B3GALT1: variants seen among roughly 807,000 people sequenced by gnomAD.
The protein encoded by B3GALT1 is UDP-Gal:betaGlcNAc beta 1,3-galactosyltransferase, polypeptide 1.
B3GALT1 carries 10 observed loss-of-function variants against 23.2 expected under a neutral mutation model. The ratio of observed to expected loss-of-function variants is 0.43; its 90% CI spans 0.27 to 0.73. The LOEUF (loss-of-function observed/expected upper bound fraction) is 0.73, where lower values mean the gene tolerates loss of function less well. Among genes scored for constraint, B3GALT1 ranks in the 30% least tolerant of loss-of-function variants. The pLI, the probability that B3GALT1 is intolerant of heterozygous loss-of-function variation, is 0.21. For missense variants in B3GALT1, 299 were observed against 405.4 expected (o/e 0.74, Z 2.25); for synonymous variants, 156 against 141.5 (o/e 1.10, Z -0.73).
At chr2:167,503,877 C>A (rs1699881243) in intron 2 of B3GALT1, among the ~76,000 whole-genome samples, 1 of 152,176 alleles carries the variant, frequency 6.6e-6, no homozygotes, top group African/African-American at 2.4e-5. Flanking sequence ...TTGCTGTATG[C>A]ATGGATTCCA....
intron 2 of B3GALT1, among the ~76,000 whole-genome samples, chr2:167,491,031 C>CT (rs1699700630): frequency 6.6e-6 from 1 of 152,116 alleles, no homozygotes; most frequent in Non-Finnish European, 1.5e-5. Context: ...CCCTTGTTTT[C>CT]TTAGGGTTCT....
At chr2:167,676,592 C>T (rs930608106) in intron 3 of B3GALT1, among the ~76,000 whole-genome samples, 1 of 151,958 alleles carries the variant, frequency 6.6e-6, no homozygotes, top group Non-Finnish European at 1.5e-5. Flanking sequence ...GACAGAGCCT[C>T]GCTTTCTTGC....
intron 1 of B3GALT1, among the ~76,000 whole-genome samples, chr2:167,377,901 G>A (rs558001545): frequency 6.6e-6 from 1 of 152,158 alleles, no homozygotes; most frequent in East Asian, 1.9e-4. Flanking sequence ...GTACTGTGTG[G>A]TTGCTTTATA....
chr2:167,395,656 G>C (rs548166233), intron 1 of B3GALT1, among the ~76,000 whole-genome samples: 9 of 152,216 alleles, frequency 5.9e-5, no homozygotes, highest in African/African-American at 1.9e-4. Flanking sequence ...GCTGCTAAGT[G>C]TGGGTAACGT....
intron 2 of B3GALT1, among the ~76,000 whole-genome samples, chr2:167,618,522 A>G (rs1466347545): frequency 6.6e-6 from 1 of 152,034 alleles, no homozygotes; most frequent in Non-Finnish European, 1.5e-5. Flanking sequence ...AACCATGATC[A>G]AAATAAAAAA....
intron 1 of B3GALT1, among the ~76,000 whole-genome samples, chr2:167,467,952 C>G (rs1699372070): frequency 6.6e-6 from 1 of 152,020 alleles, no homozygotes; most frequent in Non-Finnish European, 1.5e-5. Flanking sequence ...AGATAATAAG[C>G]AACCAAAAAT....
intron 3 of B3GALT1, among the ~76,000 whole-genome samples, chr2:167,801,745 A>G (rs1373884667): frequency 6.6e-6 from 1 of 152,274 alleles, no homozygotes; most frequent in East Asian, 1.9e-4. Flanking sequence ...CCATAATACA[A>G]CATGACAACA....
intron 1 of B3GALT1, among the ~76,000 whole-genome samples, chr2:167,459,965 G>A (rs1204463383): frequency 6.6e-6 from 1 of 152,090 alleles, no homozygotes; most frequent in African/African-American, 2.4e-5. Flanking sequence ...AAATTCTGGT[G>A]AGAAATCTAC....
intron 1 of B3GALT1, among the ~76,000 whole-genome samples, chr2:167,476,754 ATTCAT>A (rs1343308961): frequency 6.6e-6 from 1 of 152,212 alleles, no homozygotes; most frequent in Non-Finnish European, 1.5e-5. Flanking sequence ...AAGTTGAACA[ATTCAT>A]TTCATCATCT....
At chr2:167,636,680 T>C (rs1265145688) in intron 2 of B3GALT1, among the ~76,000 whole-genome samples, 1 of 152,126 alleles carries the variant, frequency 6.6e-6, no homozygotes, top group African/African-American at 2.4e-5. Flanking sequence ...TTCATGTCTT[T>C]TGCAGGGACA....
chr2:167,808,400 A>G (rs1414897568), intron 3 of B3GALT1, among the ~76,000 whole-genome samples: 3 of 151,456 alleles, frequency 2.0e-5, no homozygotes, highest in African/African-American at 4.9e-5. Flanking sequence ...CCTAGCCTCA[A>G]TGGTCTTTAC....
chr2:167,451,027 C>T (rs1418938857), intron 1 of B3GALT1, among the ~76,000 whole-genome samples: 1 of 151,974 alleles, frequency 6.6e-6, no homozygotes, highest in Admixed American at 6.6e-5. Context: ...CTAAGTGCAT[C>T]CTTTTTTTCC....
At chr2:167,461,161 G>A (rs1169981650) in intron 1 of B3GALT1, among the ~76,000 whole-genome samples, 1 of 152,162 alleles carries the variant, frequency 6.6e-6, no homozygotes, top group African/African-American at 2.4e-5. Flanking sequence ...CTGATATTTG[G>A]ATGACAGAGT....
intron 4 of B3GALT1, among the ~76,000 whole-genome samples, chr2:167,837,170 C>A (rs1406937933): frequency 6.6e-6 from 1 of 152,150 alleles, no homozygotes; most frequent in Admixed American, 6.5e-5. Context: ...CAAATTCACA[C>A]ATAACAATAT....
chr2:167,713,758 G>A, intron 3 of B3GALT1: 1 of 1,587,386 alleles, frequency 6.3e-7, no homozygotes, highest in South Asian at 1.1e-5. Flanking sequence ...TGGGGTTGGG[G>A]TAAAATCCAG....
intron 2 of B3GALT1, among the ~76,000 whole-genome samples, chr2:167,646,200 A>G (rs1000556826): frequency 6.6e-6 from 1 of 152,178 alleles, no homozygotes; most frequent in African/African-American, 2.4e-5. Context: ...TACAAGCTCA[A>G]AAAGCATTAC....
intron 4 of B3GALT1, among the ~76,000 whole-genome samples, chr2:167,860,387 CTCTT>C (rs1690074955): frequency 6.6e-6 from 1 of 152,108 alleles, no homozygotes; most frequent in Non-Finnish European, 1.5e-5. Context: ...CTCGTGTGCT[CTCTT>C]TCTTTCCCTG....
At position 167,519,561 on chromosome 2, in the gene B3GALT1, A is replaced by G. The variant is rs139559303; in HGVS notation, c.-410+29284A>G. Among the ~76,000 whole-genome samples, 450 of 152,176 alleles carry G rather than the reference A, an allele frequency of 3.0e-3. 4 individuals carry two copies. The highest frequency in any genetic ancestry group is 1.0e-2 in the African/African-American group (414 of 41,526). On this transcript the variant is annotated intron_variant, in intron 2 of 4. Coordinates refer to ENST00000392690, the MANE Select transcript of B3GALT1 (RefSeq NM_020981.4). Reference sequence around the variant, plus strand: ...ATTAAAAGTAAGGTTAAAAAACTCAACCTGTTTTTAGGTTTATTGTATATA... The same window carrying G: ...ATTAAAAGTAAGGTTAAAAAACTCAGCCTGTTTTTAGGTTTATTGTATATA...
chr2:167,676,687 A>C (rs1686433218), intron 3 of B3GALT1, among the ~76,000 whole-genome samples: 1 of 151,836 alleles, frequency 6.6e-6, no homozygotes, highest in African/African-American at 2.4e-5. Context: ...CCAGCCTCCC[A>C]AGTAGCAAGG....
Sources: allele counts gnomAD v4.1 joint callset (sites outside exome capture counted in the v4.1 genomes callset), GRCh38; gene constraint gnomAD v4.1.1; transcripts MANE v1.5; gene names NCBI Gene and HGNC (gene_info 2026-07-23, HGNC 2026-07-21).